The following DGLUCY variants were observed in gnomAD, a reference collection of about 807,000 sequenced individuals.
DGLUCY encodes D-glutamate cyclase.
In DGLUCY, 58 loss-of-function variants were observed where a neutral mutation model predicts 58.5. That is an observed-to-expected ratio of 0.99 (90% CI 0.80 to 1.23). DGLUCY has a LOEUF of 1.23. DGLUCY is among the 50% of genes most tolerant of loss of function. DGLUCY has a pLI of 0.00. For missense variants in DGLUCY, 779 were observed against 784.7 expected, an observed-to-expected ratio of 0.99 and a Z score of 0.09; for synonymous variants, 325 against 314.1, an observed-to-expected ratio of 1.03 and a Z score of -0.37.
chr14:91,060,336 C>T (rs754930685), exon 1 of DGLUCY: 2 of 1,398,648 alleles, frequency 1.4e-6, no homozygotes, highest in Non-Finnish European at 1.9e-6. Flanking sequence ...GCTCACCAGT[C>T]CGCAGCTCGT....
chr14:91,070,260 G>A (rs1208268336), intron 1 of DGLUCY, among the ~76,000 whole-genome samples: 1 of 152,142 alleles, frequency 6.6e-6, no homozygotes, highest in Non-Finnish European at 1.5e-5. Flanking sequence ...AGGGGGTGAA[G>A]GGGGTAGAGA....
intron 1 of DGLUCY, among the ~76,000 whole-genome samples, chr14:91,119,665 T>C (rs982963366): frequency 5.9e-5 from 9 of 152,194 alleles, no homozygotes; most frequent in Admixed American, 5.2e-4. Context: ...TCAACTGGAT[T>C]GGATTGAAGG....
At chr14:91,120,056 C>G (rs1179426794) in intron 1 of DGLUCY, among the ~76,000 whole-genome samples, 1 of 152,160 alleles carries the variant, frequency 6.6e-6, no homozygotes, top group African/African-American at 2.4e-5. Context: ...GGCTTGCAGA[C>G]AGCCTATTGT....
intron 1 of DGLUCY, among the ~76,000 whole-genome samples, chr14:91,154,012 TCTC>T (rs1479492082): frequency 6.6e-6 from 1 of 152,154 alleles, no homozygotes; most frequent in African/African-American, 2.4e-5. Flanking sequence ...TTCAAGCAGT[TCTC>T]CTGCCTCAGC....
intron 5 of DGLUCY, 104 bp from the exon 6 acceptor site, chr14:91,173,185 T>TGG: frequency 4.2e-6 from 5 of 1,198,636 alleles, no homozygotes; most frequent in Non-Finnish European, 6.0e-6. Flanking sequence ...TAACAGCTAC[T>TGG]CCTCCTTCAT....
At chr14:91,066,245 G>A (rs999955315) in intron 1 of DGLUCY, among the ~76,000 whole-genome samples, 2 of 152,038 alleles carry the variant, frequency 1.3e-5, no homozygotes, top group Admixed American at 6.6e-5. Context: ...GGGCCTGGTG[G>A]CACATGCCTG....
chr14:91,153,049 C>T (rs999810887), intron 1 of DGLUCY, among the ~76,000 whole-genome samples: 2 of 152,112 alleles, frequency 1.3e-5, no homozygotes, highest in Non-Finnish European at 2.9e-5. Context: ...TTGACCTCCC[C>T]GGACCGTAAA....
chr14:91,224,019 G>A (rs1887878946), intron 13 of DGLUCY, among the ~76,000 whole-genome samples: 1 of 152,182 alleles, frequency 6.6e-6, no homozygotes, highest in South Asian at 2.1e-4. Context: ...GCTACACCTA[G>A]ATGCTCCCAC....
intron 9 of DGLUCY, among the ~76,000 whole-genome samples, chr14:91,194,144 G>A (rs1486581909): frequency 1.3e-5 from 2 of 152,180 alleles, no homozygotes; most frequent in South Asian, 2.1e-4. Context: ...CCGTGTGCAC[G>A]ACGGCCAGCC....
intron 7 of DGLUCY, among the ~76,000 whole-genome samples, chr14:91,176,351 G>T (rs2048852826): frequency 6.6e-6 from 1 of 152,024 alleles, no homozygotes; most frequent in South Asian, 2.1e-4. Context: ...TCAGCCTCCT[G>T]AGTAGCTGGG....
chr14:91,141,500 A>G (rs2046669235), intron 1 of DGLUCY, among the ~76,000 whole-genome samples: 1 of 151,990 alleles, frequency 6.6e-6, no homozygotes, highest in Non-Finnish European at 1.5e-5. Flanking sequence ...ATATCCCTTG[A>G]CTGTTCAGCA....
At chr14:91,190,920 G>C (rs1010321381) in intron 9 of DGLUCY, among the ~76,000 whole-genome samples, 7 of 152,144 alleles carry the variant, frequency 4.6e-5, no homozygotes, top group Non-Finnish European at 8.8e-5. Context: ...GTGAGTTATG[G>C]AAGGTGGGAG....
At chr14:91,101,424 G>T (rs566495858) in intron 1 of DGLUCY, among the ~76,000 whole-genome samples, 1 of 152,278 alleles carries the variant, frequency 6.6e-6, no homozygotes, top group Admixed American at 6.5e-5. Flanking sequence ...GAGAGCCCCT[G>T]TGTGAGGTTA....
intron 10 of DGLUCY, among the ~76,000 whole-genome samples, chr14:91,198,677 G>A (rs557279189): frequency 1.3e-5 from 2 of 152,296 alleles, no homozygotes; most frequent in Admixed American, 6.5e-5. Context: ...TGTCAAAACA[G>A]TAGTCCTGCT....
chr14:91,224,164 G>A (rs1189731378), intron 13 of DGLUCY, among the ~76,000 whole-genome samples: 1 of 152,230 alleles, frequency 6.6e-6, no homozygotes, highest in Non-Finnish European at 1.5e-5. Flanking sequence ...CCAGGGCTGG[G>A]AGGAACTTAT....
chr14:91,223,405 C>A (rs1471532124), intron 13 of DGLUCY, among the ~76,000 whole-genome samples: 3 of 152,152 alleles, frequency 2.0e-5, no homozygotes. Flanking sequence ...ATTCTAGATT[C>A]CTTAGGTCCC....
intron 1 of DGLUCY, among the ~76,000 whole-genome samples, chr14:91,084,797 G>A (rs1438714803): frequency 6.6e-6 from 1 of 152,218 alleles, no homozygotes; most frequent in East Asian, 1.9e-4. Flanking sequence ...CAGATTGGAA[G>A]CAAAGCAATG....
chr14:91,210,733 C>CATCT (rs956369487), intron 12 of DGLUCY, among the ~76,000 whole-genome samples: 2 of 152,102 alleles, frequency 1.3e-5, no homozygotes, highest in African/African-American at 4.8e-5. Context: ...CGATAAAGAA[C>CATCT]ATCTACAAAA....
chr14:91,082,085 G>A (rs1486123408), intron 1 of DGLUCY, among the ~76,000 whole-genome samples: 2 of 152,180 alleles, frequency 1.3e-5, no homozygotes, highest in East Asian at 1.9e-4. Flanking sequence ...CTGGGGATTA[G>A]GATGTGGACA....
Sources: gnomAD v4.1 joint callset for allele counts (sites outside exome capture counted in the v4.1 genomes callset) on GRCh38, gnomAD v4.1.1 for gene constraint, MANE v1.5 for transcripts, NCBI Gene and HGNC (gene_info 2026-07-23, HGNC 2026-07-21) for gene names.